The following FRMD4A variants were observed in gnomAD, a reference collection of about 807,000 sequenced individuals.
FRMD4A encodes the protein FERM domain-containing protein 4A.
In FRMD4A, 29 loss-of-function variants were observed where a neutral mutation model predicts 129.1. That is an observed-to-expected ratio of 0.22 (90% CI 0.17 to 0.31). The LOEUF is 0.31. FRMD4A is among the 10% of genes least tolerant of loss of function. The pLI, the probability that FRMD4A is intolerant of heterozygous loss-of-function variation, is 1.00. For missense variants in FRMD4A, 1,272 were observed against 1,375.8 expected (o/e 0.92, Z 1.19); for synonymous variants, 634 against 571.6 (o/e 1.11, Z -1.56).
intron 8 of FRMD4A, among the ~76,000 whole-genome samples, chr10:13,750,085 A>AAAGAAATG (rs1466476683): frequency 0.029 from 2,327 of 78,986 alleles, 24 homozygotes; most frequent in Middle Eastern, 0.068. Flanking sequence ...AGAAAGAAAG[A>AAAGAAATG]AAGAAAGAAA....
At chr10:14,027,852 T>G (rs1833054529) in intron 2 of FRMD4A, among the ~76,000 whole-genome samples, 2 of 152,188 alleles carry the variant, frequency 1.3e-5, no homozygotes, top group African/African-American at 4.8e-5. Context: ...GGAGTTAGCC[T>G]GAAGAATGCA....
chr10:13,646,967 C>A lies in FRMD4A; in HGVS notation c.*71G>T. 1 of 984,360 alleles carries A rather than the reference C, an allele frequency of 1.0e-6. No individual in the cohort carries two copies. The highest frequency in any genetic ancestry group is 4.7e-5 in the South Asian group (1 of 21,256). 61.0% of individuals were successfully genotyped at this position (984,360 alleles called of 1,614,324 possible). On this transcript the variant is annotated 3_prime_UTR_variant, in exon 25 of 25. Transcript: ENST00000357447. The stretch of plus-strand genomic sequence containing the variant: ...GGTCCCGGGCTTGGCTTTTTCCTGC[C>A]CGTACCACTGGACATCAGCTAGTTC...
chr10:13,993,016 A>G (rs17154328), intron 2 of FRMD4A, among the ~76,000 whole-genome samples: 3,051 of 151,766 alleles, frequency 0.02, 49 homozygotes, highest in Admixed American at 0.03. Flanking sequence ...TGACTAGCCA[A>G]CATATCCATT....
chr10:13,819,728 G>T (rs1177833391), intron 3 of FRMD4A, among the ~76,000 whole-genome samples: 1 of 148,104 alleles, frequency 6.8e-6, no homozygotes, highest in Non-Finnish European at 1.5e-5. Flanking sequence ...CTGAGATGGG[G>T]TCTGGAGTGC....
chr10:14,262,758 C>T (rs914624922), intron 2 of FRMD4A, among the ~76,000 whole-genome samples: 6 of 152,188 alleles, frequency 3.9e-5, no homozygotes, highest in African/African-American at 1.4e-4. Context: ...ACTCCTTAGA[C>T]CTGAGAGTGG....
chr10:14,206,809 C>CAAAAAAAAAAAAAAA (rs57029013), intron 2 of FRMD4A, among the ~76,000 whole-genome samples: 3,006 of 42,928 alleles, frequency 0.07, 754 homozygotes, highest in African/African-American at 0.24. Context: ...GACGCTATCT[C>CAAAAAAAAAAAAAAA]AAAAAAAAAA....
At chr10:14,036,875 C>A (rs953762549) in intron 2 of FRMD4A, among the ~76,000 whole-genome samples, 1 of 152,124 alleles carries the variant, frequency 6.6e-6, no homozygotes, top group Non-Finnish European at 1.5e-5. Flanking sequence ...CATGCTCCAC[C>A]GTGCCCAGTT....
chr10:13,701,085 C>A (rs1294528907), intron 14 of FRMD4A, among the ~76,000 whole-genome samples: 1 of 152,132 alleles, frequency 6.6e-6, no homozygotes, highest in Non-Finnish European at 1.5e-5. Flanking sequence ...TCAAAAGGGG[C>A]CTACCTGGCT....
At chr10:14,030,380 A>G (rs760655806) in intron 2 of FRMD4A, among the ~76,000 whole-genome samples, 2 of 152,280 alleles carry the variant, frequency 1.3e-5, no homozygotes, top group Non-Finnish European at 2.9e-5. Context: ...TAGGAACATT[A>G]CATCATACAC....
At chr10:14,286,240 C>A (rs1194319695) in intron 2 of FRMD4A, among the ~76,000 whole-genome samples, 1 of 152,204 alleles carries the variant, frequency 6.6e-6, no homozygotes, top group Non-Finnish European at 1.5e-5. Flanking sequence ...ATCCTCTCAA[C>A]ACTGAGAAAC....
chr10:13,913,175 C>G (rs553153340), intron 2 of FRMD4A, among the ~76,000 whole-genome samples: 58 of 151,778 alleles, frequency 3.8e-4, no homozygotes, highest in Non-Finnish European at 6.5e-4. Flanking sequence ...TGAAACAAAT[C>G]ACTTACAAAA....
intron 2 of FRMD4A, among the ~76,000 whole-genome samples, chr10:14,079,268 C>G (rs948793495): frequency 6.6e-6 from 1 of 152,122 alleles, no homozygotes; most frequent in Non-Finnish European, 1.5e-5. Flanking sequence ...GGGATCTGCT[C>G]TTAGCCTCTT....
chr10:14,220,486 C>A (rs918501722), intron 2 of FRMD4A, among the ~76,000 whole-genome samples: 1 of 152,144 alleles, frequency 6.6e-6, no homozygotes, highest in African/African-American at 2.4e-5. Flanking sequence ...CCAGGATGAC[C>A]CCATCTCTAT....
intron 9 of FRMD4A, among the ~76,000 whole-genome samples, chr10:13,743,723 C>T (rs1287301397): frequency 2.6e-5 from 4 of 152,140 alleles, no homozygotes; most frequent in Non-Finnish European, 5.9e-5. Context: ...TAATTGCCTT[C>T]TCCATCCTCA....
chr10:13,888,215 C>A (rs968252901), intron 2 of FRMD4A, among the ~76,000 whole-genome samples: 1 of 152,192 alleles, frequency 6.6e-6, no homozygotes, highest in Non-Finnish European at 1.5e-5. Flanking sequence ...CGCCCTTCCC[C>A]ACAAGATCAG....
At chr10:14,147,902 T>C (rs1157885823) in intron 2 of FRMD4A, among the ~76,000 whole-genome samples, 1 of 152,178 alleles carries the variant, frequency 6.6e-6, no homozygotes, top group Admixed American at 6.5e-5. Flanking sequence ...TACTATGTGA[T>C]CTTGGGACAG....
chr10:14,221,606 C>G (rs1039825741), intron 2 of FRMD4A, among the ~76,000 whole-genome samples: 33 of 152,144 alleles, frequency 2.2e-4, no homozygotes, highest in African/African-American at 7.7e-4. Context: ...GTTGCCCAGG[C>G]TGGAGTACAG....
intron 2 of FRMD4A, among the ~76,000 whole-genome samples, chr10:13,896,475 C>A (rs369773852): frequency 1.3e-5 from 2 of 152,020 alleles, no homozygotes; most frequent in African/African-American, 4.8e-5. Flanking sequence ...ATAATGAGAA[C>A]ACATGGACAC....
At chr10:14,119,830 A>T (rs1162290476) in intron 2 of FRMD4A, among the ~76,000 whole-genome samples, 3 of 152,088 alleles carry the variant, frequency 2.0e-5, no homozygotes, top group Non-Finnish European at 4.4e-5. Context: ...GGCTGAGGGA[A>T]TATGTGGAAT....
Sources: gnomAD v4.1 joint callset for allele counts (sites outside exome capture counted in the v4.1 genomes callset) on GRCh38, gnomAD v4.1.1 for gene constraint, MANE v1.5 for transcripts, NCBI Gene and HGNC (gene_info 2026-07-23, HGNC 2026-07-21) for gene names.